Variants in NCALD observed in about 807,000 individuals in gnomAD.
The protein encoded by NCALD is neurocalcin delta, also known as neurocalcin-delta.
NCALD carries 10 observed loss-of-function variants against 18.6 expected under a neutral mutation model. The observed-to-expected ratio is 0.54, with a 90% CI of 0.33 to 0.91. The LOEUF is 0.91. NCALD is among the 40% of genes least tolerant of loss of function. The pLI is 0.03. For missense variants in NCALD, 184 were observed against 247.6 expected, an observed-to-expected ratio of 0.74 and a Z score of 1.72; for synonymous variants, 88 against 87.4, an observed-to-expected ratio of 1.01 and a Z score of -0.04.
intron 1 of NCALD, among the ~76,000 whole-genome samples, chr8:102,097,753 C>T (rs766513570): frequency 6.6e-6 from 1 of 152,226 alleles, no homozygotes; most frequent in East Asian, 1.9e-4. Context: ...TCTGCTCTGA[C>T]AGCATCTCTC....
At chr8:101,792,002 A>G (rs1187047328), upstream of NCALD, among the ~76,000 whole-genome samples, 2 of 152,192 alleles carry the variant, frequency 1.3e-5, no homozygotes, top group Non-Finnish European at 2.9e-5. Context: ...ATTAATGGGA[A>G]GCCGATTAAA....
chr8:101,843,617 C>T (rs966851068), intron 4 of NCALD, among the ~76,000 whole-genome samples: 8 of 125,004 alleles, frequency 6.4e-5, no homozygotes, highest in Non-Finnish European at 1.3e-4. Flanking sequence ...TGCTCTGTCA[C>T]ACAGGCTGGA....
At chr8:101,971,281 T>C (rs1309578516) in intron 2 of NCALD, among the ~76,000 whole-genome samples, 2 of 152,088 alleles carry the variant, frequency 1.3e-5, no homozygotes, top group Non-Finnish European at 2.9e-5. Context: ...GTCTGCAGCA[T>C]CATTCCTTCT....
intron 1 of NCALD, among the ~76,000 whole-genome samples, chr8:102,040,522 T>G (rs1037916160): frequency 3.3e-5 from 5 of 151,278 alleles, no homozygotes; most frequent in African/African-American, 1.2e-4. Flanking sequence ...CAACAGATAC[T>G]GCAATAAAGA....
rs1312055380 is a variant in NCALD, at chr8:102,116,430, C to T, written c.-210+7807G>A. Among the ~76,000 whole-genome samples, 3 of 151,986 alleles carry T rather than the reference C, an allele frequency of 2.0e-5. No homozygotes were observed. The East Asian group carries it at 5.8e-4, about 29-fold the overall frequency. On this transcript the variant is annotated intron_variant, in intron 1 of 6. Transcript: ENST00000311028. ...GTCATGGATTGAATGGTGGTGACCC[C>T]CAAAAAAAGTATGTCCAAGTGTCCA...
At chr8:101,731,691 G>A (rs900216100) in intron 1 of NCALD, among the ~76,000 whole-genome samples, 3 of 152,152 alleles carry the variant, frequency 2.0e-5, no homozygotes, top group African/African-American at 7.2e-5. Context: ...TACCTCAACA[G>A]CACCCTACAT....
intron 2 of NCALD, among the ~76,000 whole-genome samples, chr8:101,973,575 T>C (rs1820319059): frequency 6.6e-6 from 1 of 152,194 alleles, no homozygotes; most frequent in Admixed American, 6.5e-5. Context: ...ACTAGGAATG[T>C]CCACTGCACA....
At chr8:102,036,760 TCAAAAAACAA>T (rs1822880160) in intron 1 of NCALD, among the ~76,000 whole-genome samples, 2 of 151,392 alleles carry the variant, frequency 1.3e-5, no homozygotes, top group Non-Finnish European at 2.9e-5. Context: ...GGGTGATATC[TCAAAAAACAA>T]CAACAACAAC....
At chr8:101,756,531 T>C (rs930860128) in intron 1 of NCALD, among the ~76,000 whole-genome samples, 1 of 152,244 alleles carries the variant, frequency 6.6e-6, no homozygotes, top group Non-Finnish European at 1.5e-5. Context: ...GTCTATGCTA[T>C]GCATTTGGAA....
chr8:102,018,569 T>C (rs1337497526), intron 2 of NCALD, among the ~76,000 whole-genome samples: 1 of 152,196 alleles, frequency 6.6e-6, no homozygotes, highest in Non-Finnish European at 1.5e-5. Flanking sequence ...CAGATTGTGG[T>C]TGTCAAGGGC....
chr8:101,802,533 C>A (rs893684719), intron 4 of NCALD, among the ~76,000 whole-genome samples: 1 of 151,066 alleles, frequency 6.6e-6, no homozygotes, highest in Admixed American at 6.6e-5. Flanking sequence ...AGAAAAAGAT[C>A]GTGAAGGAAA....
chr8:101,689,427 T>G lies in NCALD; in HGVS notation c.485-21A>C. The G allele has an allele frequency of 6.4e-7, 1 of 1,574,100 alleles. No individual in the cohort carries two copies. Among genetic ancestry groups the G allele is most frequent in the Non-Finnish European group, 8.6e-7 (1 of 1,156,498 alleles). ...TTTTCCTAGGAAGCAAGAGGACAGG[T>G]GAGTGGTGGCTGGTGGCAGCTGCAT... On this transcript the variant is annotated intron_variant, in intron 3 of 3. Coordinates refer to ENST00000220931, the MANE Select transcript of NCALD (RefSeq NM_032041.3). The surrounding 1 kb of genome is among the most constrained non-coding windows in gnomAD (Gnocchi z 4.4).
chr8:102,113,953 G>A (rs1326541623), intron 1 of NCALD, among the ~76,000 whole-genome samples: 2 of 152,166 alleles, frequency 1.3e-5, no homozygotes, highest in Non-Finnish European at 2.9e-5. Flanking sequence ...CAGTGCCTTA[G>A]TTCAGATCAG....
At chr8:101,707,513 C>T (rs1815584647) in intron 2 of NCALD, among the ~76,000 whole-genome samples, 1 of 152,096 alleles carries the variant, frequency 6.6e-6, no homozygotes, top group Admixed American at 6.6e-5. Flanking sequence ...AAATTTTTTT[C>T]CCATACTGCT....
chr8:102,007,566 A>C (rs777245207), intron 2 of NCALD, among the ~76,000 whole-genome samples: 8 of 152,236 alleles, frequency 5.3e-5, no homozygotes, highest in South Asian at 2.1e-4. Context: ...TTACTTGACT[A>C]TTTAAAGAAA....
intron 2 of NCALD, among the ~76,000 whole-genome samples, chr8:101,945,300 C>G (rs1298853159): frequency 6.6e-6 from 1 of 152,148 alleles, no homozygotes; most frequent in African/African-American, 2.4e-5. Context: ...GACACAGTCC[C>G]TGCCCTCATG....
chr8:101,830,073 T>C (rs1814110328), intron 4 of NCALD, among the ~76,000 whole-genome samples: 1 of 151,760 alleles, frequency 6.6e-6, no homozygotes, highest in Admixed American at 6.6e-5. Context: ...GAGAATCTTA[T>C]GTTTTTAATC....
chr8:101,957,775 T>C (rs753883587), intron 2 of NCALD, among the ~76,000 whole-genome samples: 12 of 152,134 alleles, frequency 7.9e-5, no homozygotes, highest in Admixed American at 3.3e-4. Context: ...GCTTTGTCTA[T>C]GGTGTGAGAC....
intron 2 of NCALD, among the ~76,000 whole-genome samples, chr8:101,713,522 A>C (rs554868504): frequency 2.0e-5 from 3 of 152,058 alleles, no homozygotes; most frequent in South Asian, 2.1e-4. Context: ...AACAAAATAG[A>C]TAGACCACTA....
Sources: gnomAD v4.1 joint callset for allele counts (sites outside exome capture counted in the v4.1 genomes callset) on GRCh38, gnomAD v4.1.1 for gene constraint, Gnocchi (gnomAD v3.1) non-coding constraint, MANE v1.5 for transcripts, NCBI Gene and HGNC (gene_info 2026-07-23, HGNC 2026-07-21) for gene names.